SNX29: variants seen among roughly 807,000 people sequenced by gnomAD.
The protein encoded by SNX29 is sorting nexin 29.
Under a neutral mutation model 102.1 loss-of-function variants are expected in SNX29, and 78 were observed. That is an observed-to-expected ratio of 0.76 (90% CI 0.64 to 0.92). The LOEUF (loss-of-function observed/expected upper bound fraction) is 0.92. SNX29 is among the 40% of genes least tolerant of loss of function. SNX29 has a pLI of 0.00. For synonymous variants in SNX29, 580 were observed against 414.5 expected (o/e 1.40, Z -4.85); for missense variants, 1,280 against 1,061.7 (o/e 1.21, Z -2.86).
At chr16:12,519,230 TG>T (rs1406519864) in intron 19 of SNX29, among the ~76,000 whole-genome samples, 1 of 152,222 alleles carries the variant, frequency 6.6e-6, no homozygotes, top group African/African-American at 2.4e-5. Flanking sequence ...ACAGTTAGTC[TG>T]TGGACCTCCG....
At chr16:12,258,938 C>T (rs945135060) in intron 14 of SNX29, among the ~76,000 whole-genome samples, 1 of 152,118 alleles carries the variant, frequency 6.6e-6, no homozygotes, top group Non-Finnish European at 1.5e-5. Context: ...GTCATTCTCT[C>T]TCACTATGAT....
intron 13 of SNX29, among the ~76,000 whole-genome samples, chr16:12,140,970 A>C (rs971089004): frequency 3.3e-5 from 5 of 152,254 alleles, no homozygotes; most frequent in African/African-American, 1.2e-4. Context: ...ATGAAAGAGA[A>C]ATGAAAGGAA....
chr16:12,526,667 C>T, intron 20 of SNX29: 1 of 511,180 alleles, frequency 2.0e-6, no homozygotes, highest in Admixed American at 2.6e-5. Context: ...GCGGAGTCAT[C>T]ACGCATCGAC....
chr16:12,562,222 C>T (rs2078765967), intron 20 of SNX29, among the ~76,000 whole-genome samples: 1 of 152,044 alleles, frequency 6.6e-6, no homozygotes, highest in East Asian at 1.9e-4. Context: ...TGGAGGTGGC[C>T]AAGTTCAGAA....
At chr16:12,389,852 C>G (rs948988316) in intron 16 of SNX29, among the ~76,000 whole-genome samples, 1 of 152,184 alleles carries the variant, frequency 6.6e-6, no homozygotes, top group Non-Finnish European at 1.5e-5. Context: ...GTCTGCAGCC[C>G]AGGGACCCAG....
intron 15 of SNX29, among the ~76,000 whole-genome samples, chr16:12,350,037 A>T (rs149200055): frequency 4.6e-5 from 7 of 152,280 alleles, no homozygotes; most frequent in African/African-American, 1.4e-4. Context: ...TCCTCCTCTG[A>T]TGTTATACTG....
At chr16:12,386,493 C>A (rs2083345795) in intron 16 of SNX29, among the ~76,000 whole-genome samples, 1 of 152,168 alleles carries the variant, frequency 6.6e-6, no homozygotes. Flanking sequence ...GCGTCTCCCT[C>A]CACGCTCTTC....
chr16:12,161,394 A>G (rs748588092), intron 13 of SNX29, among the ~76,000 whole-genome samples: 1 of 152,162 alleles, frequency 6.6e-6, no homozygotes, highest in Non-Finnish European at 1.5e-5. Context: ...TCTGCCAGGA[A>G]TGACTTGAGG....
intron 16 of SNX29, among the ~76,000 whole-genome samples, chr16:12,357,612 A>G (rs2082174395): frequency 6.6e-6 from 1 of 152,168 alleles, no homozygotes; most frequent in East Asian, 1.9e-4. Context: ...ACGTTCACAC[A>G]TTTTGAGGCC....
intron 19 of SNX29, among the ~76,000 whole-genome samples, chr16:12,483,925 A>C (rs2088097901): frequency 6.6e-6 from 1 of 152,230 alleles, no homozygotes; most frequent in Non-Finnish European, 1.5e-5. Flanking sequence ...GCCATGCCTA[A>C]TGCCCAGGGA....
intron 11 of SNX29, among the ~76,000 whole-genome samples, chr16:12,103,586 A>G (rs912728940): frequency 6.6e-6 from 1 of 152,240 alleles, no homozygotes; most frequent in African/African-American, 2.4e-5. Context: ...AACCATAACA[A>G]TTCTGGAAGA....
intron 1 of SNX29, among the ~76,000 whole-genome samples, chr16:11,977,227 C>G (rs2055321589): frequency 6.6e-6 from 1 of 152,132 alleles, no homozygotes; most frequent in Non-Finnish European, 1.5e-5. Context: ...TACCCAGGCC[C>G]CTGGTCTCCA....
chr16:12,467,120 A>G (rs959957408), intron 18 of SNX29, among the ~76,000 whole-genome samples: 1 of 152,184 alleles, frequency 6.6e-6, no homozygotes, highest in African/African-American at 2.4e-5. Context: ...TTTCACTTCT[A>G]ACTAGCTCTT....
At chr16:12,090,683 C>G (rs1325895550) in intron 11 of SNX29, among the ~76,000 whole-genome samples, 3 of 152,112 alleles carry the variant, frequency 2.0e-5, no homozygotes, top group Non-Finnish European at 4.4e-5. Context: ...AAGTTCATTC[C>G]TATTTCTGGG....
intron 15 of SNX29, among the ~76,000 whole-genome samples, chr16:12,309,826 G>A (rs893040614): frequency 3.9e-5 from 6 of 152,272 alleles, no homozygotes; most frequent in African/African-American, 7.2e-5. Flanking sequence ...AGGCACCTGC[G>A]TAGGTGTCAT....
chr16:12,192,097 C>G (rs2076656940), intron 13 of SNX29, among the ~76,000 whole-genome samples: 1 of 152,174 alleles, frequency 6.6e-6, no homozygotes, highest in Non-Finnish European at 1.5e-5. Flanking sequence ...TTGAGTAGTG[C>G]TGTCTGGGGT....
At chr16:12,024,368 A>G (rs2057128746) in intron 3 of SNX29, among the ~76,000 whole-genome samples, 1 of 151,268 alleles carries the variant, frequency 6.6e-6, no homozygotes, top group South Asian at 2.1e-4. Context: ...CTGGTCTTGA[A>G]CTCCTGACCC....
chr16:12,562,713 C>G (rs763410150), intron 20 of SNX29, among the ~76,000 whole-genome samples: 3 of 152,186 alleles, frequency 2.0e-5, no homozygotes, highest in Non-Finnish European at 2.9e-5. Context: ...TTGAAGCCTA[C>G]CGTGGTACTG....
intron 20 of SNX29, among the ~76,000 whole-genome samples, chr16:12,566,806 T>A (rs899381309): frequency 6.6e-6 from 1 of 152,242 alleles, no homozygotes; most frequent in Non-Finnish European, 1.5e-5. Flanking sequence ...GGCTCAGAGA[T>A]GATTCAGAGC....
Sources: gnomAD v4.1 joint callset for allele counts (sites outside exome capture counted in the v4.1 genomes callset) on GRCh38, gnomAD v4.1.1 for gene constraint, MANE v1.5 for transcripts, NCBI Gene and HGNC (gene_info 2026-07-23, HGNC 2026-07-21) for gene names.